Variants in KIRREL3 observed in about 807,000 individuals in gnomAD.
The protein encoded by KIRREL3 is kirre like nephrin family adhesion molecule 3, also known as kin of IRRE-like protein 3.
In KIRREL3, 36 loss-of-function variants were observed where a neutral mutation model predicts 89.7. The ratio of observed to expected loss-of-function variants is 0.40; its 90% CI spans 0.31 to 0.53. KIRREL3 has a LOEUF of 0.53. Ranked by LOEUF, KIRREL3 falls within the 20% of genes least tolerant of loss-of-function variation. KIRREL3 has a pLI of 0.49. For missense variants in KIRREL3, 864 were observed against 1,056.6 expected (o/e 0.82, Z 2.53); for synonymous variants, 445 against 441.4 (o/e 1.01, Z -0.10).
chr11:126,556,189 G>C lies in KIRREL3; in HGVS notation c.133+6646C>G, dbSNP rs188270438. Among the ~76,000 whole-genome samples the C allele has an allele frequency of 3.3e-3, 504 of 152,332 alleles. 1 individual carries two copies. The highest frequency in any genetic ancestry group is 0.011 in the African/African-American group (475 of 41,566). ...CATGATAGATGCAAGGAGCCAGTTA[G>C]GAGAGCCCTGATGCAGTCCAGGGGA... On this transcript the variant is annotated intron_variant, in intron 2 of 16. Transcript: ENST00000525144.
At chr11:126,681,421 G>T (rs962726809) in intron 1 of KIRREL3, among the ~76,000 whole-genome samples, 2 of 152,218 alleles carry the variant, frequency 1.3e-5, no homozygotes, top group Non-Finnish European at 2.9e-5. Context: ...GAAGCTTGAG[G>T]TAGGTGGGCT....
rs556197020 is a variant in KIRREL3, at chr11:126,890,519, C to A, written c.55+109936G>T. On this transcript the variant is annotated intron_variant, in intron 1 of 16. Coordinates refer to ENST00000525144, the MANE Select transcript of KIRREL3 (RefSeq NM_032531.4). The surrounding 1 kb of genome is among the most constrained non-coding windows in gnomAD (Gnocchi z 5.1). ...CAACAGGATCTCATCAAGCACTTTG[C>A]CATTTAATGGTGACCAAATCCCTCC... Among the ~76,000 whole-genome samples the A allele has an allele frequency of 6.6e-6, 1 of 152,212 alleles. No individual in the cohort carries two copies. Among genetic ancestry groups the A allele is most frequent in the Non-Finnish European group, 1.5e-5 (1 of 68,044 alleles).
At chr11:126,657,202 A>G (rs575196160) in intron 1 of KIRREL3, among the ~76,000 whole-genome samples, 1 of 152,212 alleles carries the variant, frequency 6.6e-6, no homozygotes, top group South Asian at 2.1e-4. Flanking sequence ...ATAATAGATC[A>G]TGCATAATCT....
intron 1 of KIRREL3, chr11:126,936,943 A>G (rs1481427122): frequency 2.0e-5 from 3 of 152,224 alleles, no homozygotes; most frequent in African/African-American, 7.2e-5. Context: ...GGAATAGCAG[A>G]TGCTTATTAA....
Position 126,627,877 on chromosome 11 carries a change from G to T in KIRREL3, c.56-64965C>A, listed in dbSNP as rs1943859983. Among the ~76,000 whole-genome samples the T allele has an allele frequency of 6.6e-6, 1 of 152,202 alleles. No individual in the cohort carries two copies. The highest frequency in any genetic ancestry group is 1.5e-5 in the Non-Finnish European group (1 of 68,040). On this transcript the variant is annotated intron_variant, in intron 1 of 16. Transcript: ENST00000525144. The surrounding 1 kb of genome is among the most constrained non-coding windows in gnomAD (Gnocchi z 5.0). ...CCATGTGTAGTGAGAGGATAGGTGG[G>T]TAGCAGTGTGGGCAGGAAAACAGCC... is the stretch of plus-strand genomic sequence containing the variant.
At chr11:126,859,532 G>A (rs1450030322) in intron 1 of KIRREL3, among the ~76,000 whole-genome samples, 1 of 152,084 alleles carries the variant, frequency 6.6e-6, no homozygotes, top group Non-Finnish European at 1.5e-5. Context: ...AGGAGGAGGA[G>A]GGGACCCCCA....
intron 1 of KIRREL3, among the ~76,000 whole-genome samples, chr11:126,595,758 G>A (rs1183250874): frequency 4.6e-5 from 7 of 152,146 alleles, no homozygotes; most frequent in African/African-American, 1.4e-4. Flanking sequence ...GAGCGATGGG[G>A]GACAGCAAGA....
At position 126,454,922 on chromosome 11, in the gene KIRREL3, G is replaced by C. The variant is rs1225356936; in HGVS notation, c.848+1427C>G. On this transcript the variant is annotated intron_variant, in intron 7 of 16. Transcript: ENST00000525144. This position sits in a 1 kb window ranked among gnomAD's most constrained non-coding sequence, Gnocchi z 5.8. ...GGGATAGGAACTCTGGGCTCTGCCT[G>C]GGTTTCTGACTCCAGTGCTGCTTAA... Among the ~76,000 whole-genome samples, 1 of 152,188 alleles carries C rather than the reference G, an allele frequency of 6.6e-6. No homozygotes were observed. The highest frequency in any genetic ancestry group is 1.5e-5 in the Non-Finnish European group (1 of 68,026).
In KIRREL3 at chr11:126,766,025, C is replaced by A. The variant is rs1277487458; in HGVS notation, c.56-203113G>T. The stretch of plus-strand genomic sequence containing the variant: ...TGCTGGGAGAATGATCTTAGCTGAG[C>A]AAATTCACCTCCTTGCTTTGCCGTT... On this transcript the variant is annotated intron_variant, in intron 1 of 16. Transcript: ENST00000525144. This position sits in a 1 kb window ranked among gnomAD's most constrained non-coding sequence, Gnocchi z 4.2. Among the ~76,000 whole-genome samples, 4 of 152,090 alleles carry A rather than the reference C, an allele frequency of 2.6e-5. No homozygotes were observed. The highest frequency in any genetic ancestry group is 9.7e-5 in the African/African-American group (4 of 41,404).
At chr11:126,988,136 A>AC (rs1949922892) in intron 1 of KIRREL3, among the ~76,000 whole-genome samples, 2 of 152,224 alleles carry the variant, frequency 1.3e-5, no homozygotes, top group Non-Finnish European at 2.9e-5. Context: ...CACAGCTACC[A>AC]CAAGGCTCAA....
At chr11:126,600,117 GA>G (rs1299269396) in intron 1 of KIRREL3, among the ~76,000 whole-genome samples, 2 of 152,176 alleles carry the variant, frequency 1.3e-5, no homozygotes, top group Non-Finnish European at 1.5e-5. Context: ...CTTTGATGAA[GA>G]AAGCTGCTAT....
chr11:126,901,716 T>C (rs1269374923), intron 1 of KIRREL3, among the ~76,000 whole-genome samples: 7 of 152,200 alleles, frequency 4.6e-5, no homozygotes, highest in African/African-American at 1.7e-4. Context: ...GGGTTTGCAA[T>C]TCCCATTCAT....
Position 126,893,501 on chromosome 11 carries a change from C to T in KIRREL3, c.55+106954G>A, listed in dbSNP as rs532774739. Among the ~76,000 whole-genome samples the T allele has an allele frequency of 1.2e-4, 19 of 152,314 alleles. No homozygotes were observed. In the East Asian group the frequency reaches 3.7e-3, roughly 29 times the overall value. The stretch of plus-strand genomic sequence containing the variant: ...GGCTTATCAGCATTTACTGGGGACA[C>T]TTTACTTAATTTGTTGCCGAGCTCA... On this transcript the variant is annotated intron_variant, in intron 1 of 16. Coordinates refer to ENST00000525144, the MANE Select transcript of KIRREL3 (RefSeq NM_032531.4).
chr11:126,517,858 G>T (rs1383418787), intron 4 of KIRREL3, among the ~76,000 whole-genome samples: 1 of 152,182 alleles, frequency 6.6e-6, no homozygotes, highest in Non-Finnish European at 1.5e-5. Flanking sequence ...CACACAGCTG[G>T]ACACTGGTAA....
intron 7 of KIRREL3, among the ~76,000 whole-genome samples, chr11:126,450,348 TC>T (rs1565461715): frequency 6.7e-6 from 1 of 149,736 alleles, no homozygotes; most frequent in African/African-American, 2.5e-5. Context: ...GGCATGTGTG[TC>T]CATGTGCATG....
rs967710575 is a variant in KIRREL3 at position 126,612,772 on chromosome 11, A to C, written c.56-49860T>G. On this transcript the variant is annotated intron_variant, in intron 1 of 16. Coordinates refer to ENST00000525144, the MANE Select transcript of KIRREL3 (RefSeq NM_032531.4). The surrounding 1 kb of genome is among the most constrained non-coding windows in gnomAD (Gnocchi z 4.5). Reference sequence around the variant, plus strand: ...TGTGTCCGTCTCCTTTCACGTAACAAAATGCTTTCAAGGTTCCATCCCAGT... The same window carrying C: ...TGTGTCCGTCTCCTTTCACGTAACACAATGCTTTCAAGGTTCCATCCCAGT... Among the ~76,000 whole-genome samples, 2 of 152,166 alleles carry C rather than the reference A, an allele frequency of 1.3e-5. No homozygotes were observed. The highest frequency in any genetic ancestry group is 4.8e-5 in the African/African-American group (2 of 41,426).
rs1948907370 is a variant in KIRREL3, at chr11:126,739,400, A to G, written c.56-176488T>C. Reference sequence around the variant, plus strand: ...AATTACTTTCACTTTACAGATGGAGACACTGAGGCCCTGAGACATGAAGGG... The same window carrying G: ...AATTACTTTCACTTTACAGATGGAGGCACTGAGGCCCTGAGACATGAAGGG... On this transcript the variant is annotated intron_variant, in intron 1 of 16. Coordinates refer to ENST00000525144, the MANE Select transcript of KIRREL3 (RefSeq NM_032531.4). The surrounding 1 kb of genome is among the most constrained non-coding windows in gnomAD (Gnocchi z 5.5). Among the ~76,000 whole-genome samples the G allele has an allele frequency of 6.6e-6, 1 of 152,212 alleles. No homozygotes were observed.
At chr11:126,930,654 C>T (rs575601996) in intron 1 of KIRREL3, among the ~76,000 whole-genome samples, 21 of 152,290 alleles carry the variant, frequency 1.4e-4, no homozygotes, top group African/African-American at 5.1e-4. Context: ...ATTGCTTCAT[C>T]CCCTGACTAC....
chr11:126,731,208 C>T (rs1387496551), intron 1 of KIRREL3, among the ~76,000 whole-genome samples: 1 of 152,188 alleles, frequency 6.6e-6, no homozygotes, highest in East Asian at 1.9e-4. Context: ...CTGGCCCTGC[C>T]CAACTCTCCA....
Sources: allele counts gnomAD v4.1 joint callset (sites outside exome capture counted in the v4.1 genomes callset), GRCh38; gene constraint gnomAD v4.1.1; non-coding constraint Gnocchi (gnomAD v3.1); transcripts MANE v1.5; gene names NCBI Gene and HGNC (gene_info 2026-07-23, HGNC 2026-07-21).